Variants in CFAP298 observed in about 807,000 individuals in gnomAD.
The protein encoded by CFAP298 is cilia- and flagella-associated protein 298.
In CFAP298, 38 loss-of-function variants were observed where a neutral mutation model predicts 41.0. That is an observed-to-expected ratio of 0.93 (90% CI 0.72 to 1.22). CFAP298 has a LOEUF of 1.22. Ranked by LOEUF, CFAP298 falls within the 50% of genes most tolerant of loss-of-function variation. The probability of loss-of-function intolerance (pLI) is 0.00; values close to 1 mark genes in which losing one functional copy is unlikely to be tolerated. For missense variants in CFAP298, 348 were observed against 360.3 expected (o/e 0.97, Z 0.28); for synonymous variants, 137 against 135.3 (o/e 1.01, Z -0.09).
At chr21:32,603,421 G>A (rs111939725) in intron 4 of CFAP298, 129 bp from the exon 5 acceptor site, 30 of 884,650 alleles carry the variant, frequency 3.4e-5, no homozygotes, top group Middle Eastern at 5.4e-4. Flanking sequence ...CCTGACTCCC[G>A]CACCTCACTC....
chr21:32,602,580 A>G, intron 5 of CFAP298: 1 of 1,382,792 alleles, frequency 7.2e-7, no homozygotes, highest in East Asian at 2.8e-5. Context: ...CAGAGGCTGC[A>G]CGATACCATC....
intron 1 of CFAP298, among the ~76,000 whole-genome samples, chr21:32,611,542 C>G (rs1366132717): frequency 1.3e-5 from 2 of 151,732 alleles, no homozygotes; most frequent in South Asian, 2.1e-4. Flanking sequence ...CAGATGGGGG[C>G]CCTTCCACCG....
chr21:32,604,962 T>G (rs1000969563), intron 3 of CFAP298, among the ~76,000 whole-genome samples: 15 of 152,190 alleles, frequency 9.9e-5, no homozygotes, highest in African/African-American at 3.4e-4. Context: ...GCAAATCACC[T>G]GAGGTCAGCA....
intron 2 of CFAP298, among the ~76,000 whole-genome samples, chr21:32,608,543 G>C (rs1043005442): frequency 6.6e-6 from 1 of 151,302 alleles, no homozygotes; most frequent in South Asian, 2.1e-4. Context: ...TGTAATCCCA[G>C]CTACTCTGGA....
intron 1 of CFAP298, among the ~76,000 whole-genome samples, chr21:32,611,797 T>G (rs992040219): frequency 2.6e-5 from 4 of 152,166 alleles, no homozygotes; most frequent in Admixed American, 1.3e-4. Flanking sequence ...GCACTAAGTC[T>G]GCTGTTCAGC....
intron 1 of CFAP298, among the ~76,000 whole-genome samples, chr21:32,611,894 C>T (rs775217137): frequency 7.9e-5 from 12 of 152,198 alleles, no homozygotes; most frequent in Non-Finnish European, 1.6e-4. Flanking sequence ...GCACCTGGGC[C>T]CACCTCCCAG....
chr21:32,604,804 T>A (rs921957689), intron 3 of CFAP298, among the ~76,000 whole-genome samples: 2 of 152,084 alleles, frequency 1.3e-5, no homozygotes, highest in African/African-American at 4.8e-5. Flanking sequence ...ACCTTTCCTC[T>A]GTTAGGCCAC....
At chr21:32,603,318 G>T in intron 4 of CFAP298, 26 bp from the exon 5 acceptor site, 1 of 1,613,004 alleles carries the variant, frequency 6.2e-7, no homozygotes, top group Non-Finnish European at 8.5e-7. Flanking sequence ...AGAATGGCTT[G>T]ACTGTGTGTT....
Position 32,602,299 on chromosome 21 carries a change from G to A in CFAP298, c.735C>T (p.Tyr245=), listed in dbSNP as rs202094637. The A allele has an allele frequency of 1.9e-6, 3 of 1,613,936 alleles. No individual in the cohort carries two copies. Among genetic ancestry groups the A allele is most frequent in the Non-Finnish European group, 1.7e-6 (2 of 1,180,046 alleles). ...SSEEQKQLML[Y]YHRRQEELKR... ...TGAGCTCCTCTTGTCTTCTGTGATA[G>A]TACAGCATCAGCTGCTTCTGCTCCT... The change falls in exon 6 of 7, where the codon TAC becomes TAT. Residue 245 remains tyrosine, a synonymous_variant. Coordinates refer to ENST00000290155, the MANE Select transcript of CFAP298 (RefSeq NM_021254.4).
intron 3 of CFAP298, among the ~76,000 whole-genome samples, chr21:32,607,361 A>G (rs781446380): frequency 6.6e-6 from 1 of 152,154 alleles, no homozygotes; most frequent in South Asian, 2.1e-4. Flanking sequence ...TGGGAGGCCA[A>G]GACAGGCGGA....
rs546447805 is a variant in CFAP298, at chr21:32,599,411, TAAG to T, written c.*2449_*2451del. Among the ~76,000 whole-genome samples the T allele has an allele frequency of 1.5e-3, 228 of 152,198 alleles. 2 individuals carry two copies. The highest frequency in any genetic ancestry group is 2.8e-3 in the Non-Finnish European group (188 of 68,004). The stretch of plus-strand genomic sequence containing the variant: ...TCCTGGTCTCCATGAAAGAACCACA[TAAG>T]AAGACAAGTTATGTCAAAGGACAAA... On this transcript the variant is annotated 3_prime_UTR_variant, in exon 7 of 7. Coordinates refer to ENST00000290155, the MANE Select transcript of CFAP298 (RefSeq NM_021254.4).
intron 1 of CFAP298, among the ~76,000 whole-genome samples, chr21:32,611,411 T>A: frequency 6.8e-6 from 1 of 146,602 alleles, no homozygotes; most frequent in Middle Eastern, 3.6e-3. Flanking sequence ...TGGTATTTAT[T>A]TATATTTATA....
Position 32,610,732 on chromosome 21 carries a change from A to G in CFAP298, c.140-727T>C, listed in dbSNP as rs577584917. Among the ~76,000 whole-genome samples the G allele has an allele frequency of 2.3e-3, 344 of 152,332 alleles. 3 individuals are homozygous for G. The highest frequency in any genetic ancestry group is 6.8e-3 in the Middle Eastern group (2 of 294). On this transcript the variant is annotated intron_variant, in intron 1 of 6. Coordinates refer to ENST00000290155, the MANE Select transcript of CFAP298 (RefSeq NM_021254.4). ...ACACATAAGTTTCATGAAAAGAACC[A>G]TGACCCTCAGGAATTTCTCCACGGT...
At chr21:32,610,944 T>C (rs2038976948) in intron 1 of CFAP298, among the ~76,000 whole-genome samples, 1 of 152,104 alleles carries the variant, frequency 6.6e-6, no homozygotes, top group South Asian at 2.1e-4. Flanking sequence ...TATCATCCCG[T>C]CAAGTTCAAA....
rs1308008113 is a variant in CFAP298 at position 32,601,175 on chromosome 21, G to C, written c.*688C>G. On this transcript the variant is annotated 3_prime_UTR_variant, in exon 7 of 7. Coordinates refer to ENST00000290155, the MANE Select transcript of CFAP298 (RefSeq NM_021254.4). ...AGAGGGCCAGGAGAAAAAGCATGCT[G>C]AGTGCCTGGCGGCATCTAGTGGTCA... Among the ~76,000 whole-genome samples the C allele has an allele frequency of 6.6e-6, 1 of 152,122 alleles. No homozygotes were observed. Among genetic ancestry groups the C allele is most frequent in the Non-Finnish European group, 1.5e-5 (1 of 68,030 alleles).
In CFAP298 at chr21:32,601,933, G is replaced by A. The variant is rs532157103; in HGVS notation, c.803C>T (p.Pro268Leu). The change falls in exon 7 of 7, where the codon CCA becomes CTA. Residue 268 changes from proline to leucine, a missense_variant. Pro to Leu is a moderately conservative substitution (Grantham distance 98). Transcript: ENST00000290155. ...ENDDDAYLNS[P>L]WADNTALKRH... ...TTTCAAAGCAGTGTTATCCGCCCAT[G>A]GTGAGTTTAAATAGGCATCATCATC... 2.6e-5 allele frequency: 42 copies of A among 1,612,526 alleles called. No individual in the cohort carries two copies. In the Admixed American group the frequency reaches 4.7e-4, roughly 18 times the overall value.
In CFAP298 at chr21:32,602,333, A is replaced by G. The variant is rs149703412; in HGVS notation, c.701T>C (p.Ile234Thr). 3 of 1,613,840 alleles carry G rather than the reference A, an allele frequency of 1.9e-6. No homozygotes were observed. The highest frequency in any genetic ancestry group is 1.1e-5 in the South Asian group (1 of 91,082). Residue 234 changes from isoleucine (I) to threonine (T), a missense_variant, in exon 6 of 7, where the codon ATT becomes ACT. Ile to Thr is a moderately conservative substitution (Grantham distance 89). Transcript: ENST00000290155. ...CAGCTGCTTCTGCTCCTCACTGCTAATAATAGGCTCTCGGGCTGGAGCTCC... is the reference window on the plus strand; with the variant it reads ...CAGCTGCTTCTGCTCCTCACTGCTAGTAATAGGCTCTCGGGCTGGAGCTCC... ...GQGAPAREPI[I>T]SSEEQKQLML...
At position 32,611,325 on chromosome 21, in the gene CFAP298, A is replaced by ATG. The variant is rs1393159286; in HGVS notation, c.139+779_139+780insCA. ...TCTCACACACACACATACCATATAT[A>ATG]TATATATATATATAATTTATTTATA... On this transcript the variant is annotated intron_variant, in intron 1 of 6. Coordinates refer to ENST00000290155, the MANE Select transcript of CFAP298 (RefSeq NM_021254.4). 2.3e-4 allele frequency among the ~76,000 whole-genome samples: 29 copies of ATG among 125,228 alleles called. 1 individual carries two copies. The highest frequency in any genetic ancestry group is 1.0e-3 in the African/African-American group (29 of 27,874). The allele number at this position is 125,228 out of a possible 152,430, so 82.2% of individuals were successfully genotyped here.
At position 32,600,061 on chromosome 21, in the gene CFAP298, G is replaced by A. The variant is rs974566939; in HGVS notation, c.*1802C>T. The stretch of plus-strand genomic sequence containing the variant: ...AAGAGCTACTATGATCACATGGCTT[G>A]GTTAACTGTTTCTTACAAGTCTGAG... On this transcript the variant is annotated 3_prime_UTR_variant, in exon 7 of 7. Coordinates refer to ENST00000290155, the MANE Select transcript of CFAP298 (RefSeq NM_021254.4). 3.9e-5 allele frequency among the ~76,000 whole-genome samples: 6 copies of A among 152,126 alleles called. No individual in the cohort carries two copies. The highest frequency in any genetic ancestry group is 3.9e-4 in the Admixed American group (6 of 15,282).
Sources: allele counts gnomAD v4.1 joint callset (sites outside exome capture counted in the v4.1 genomes callset), GRCh38; gene constraint gnomAD v4.1.1; transcripts MANE v1.5; gene names NCBI Gene and HGNC (gene_info 2026-07-23, HGNC 2026-07-21).